The following GDPD1 variants were observed in gnomAD, a reference collection of about 807,000 sequenced individuals.
The protein encoded by GDPD1 is lysophospholipase D GDPD1.
A neutral mutation model predicts 45.1 loss-of-function variants in GDPD1; 28 were observed. The ratio of observed to expected loss-of-function variants is 0.62; its 90% CI spans 0.46 to 0.85. The LOEUF is 0.85. Among genes scored for constraint, GDPD1 ranks in the 40% least tolerant of loss-of-function variants. GDPD1 has a pLI of 0.00. For missense variants in GDPD1, 256 were observed against 364.8 expected, an observed-to-expected ratio of 0.70 and a Z score of 2.43; for synonymous variants, 139 against 131.4, an observed-to-expected ratio of 1.06 and a Z score of -0.40.
chr17:59,252,638 C>G (rs187055020), intron 4 of GDPD1, among the ~76,000 whole-genome samples: 1 of 151,896 alleles, frequency 6.6e-6, no homozygotes, highest in African/African-American at 2.4e-5. Context: ...GCAGATGTTG[C>G]AGTGAGCAGA....
At chr17:59,250,409 C>A (rs2047243882) in intron 4 of GDPD1, among the ~76,000 whole-genome samples, 1 of 151,970 alleles carries the variant, frequency 6.6e-6, no homozygotes, top group Non-Finnish European at 1.5e-5. Context: ...TTGCTTGAGA[C>A]CAACAGGTTG....
rs1275806802 is a variant in GDPD1, at chr17:59,255,874, T to TATAC, written c.368-1247_368-1246insTACA. ...ATACACACGTATATATATATATATA[T>TATAC]ACACACACACACACACACATATATA... On this transcript the variant is annotated intron_variant, in intron 4 of 9. Transcript: ENST00000284116. Among the ~76,000 whole-genome samples the TATAC allele has an allele frequency of 3.9e-4, 18 of 46,460 alleles. 3 individuals are homozygous for TATAC. The highest frequency in any genetic ancestry group is 7.4e-3 in the Middle Eastern group (1 of 136). The allele number at this position is 46,460 out of a possible 152,430, so 30.5% of individuals were successfully genotyped here.
chr17:59,224,467 C>T (rs2047029939), intron 1 of GDPD1, among the ~76,000 whole-genome samples: 1 of 151,628 alleles, frequency 6.6e-6, no homozygotes, highest in Non-Finnish European at 1.5e-5. Context: ...ACTAAAAATA[C>T]AAAAAAAGTT....
At chr17:59,258,414 G>A (rs775812207) in intron 6 of GDPD1, among the ~76,000 whole-genome samples, 6 of 151,938 alleles carry the variant, frequency 3.9e-5, no homozygotes, top group Non-Finnish European at 7.4e-5. Context: ...ATGGTGGCAC[G>A]TGCCTGTAGT....
At chr17:59,259,594 C>T (rs1332175820) in intron 6 of GDPD1, among the ~76,000 whole-genome samples, 1 of 97,042 alleles carries the variant, frequency 1.0e-5, no homozygotes, top group Non-Finnish European at 2.2e-5. Context: ...AAAAAAAATA[C>T]AAAAAATAGC....
At chr17:59,266,019 A>T (rs1164049615) in intron 6 of GDPD1, among the ~76,000 whole-genome samples, 1 of 150,552 alleles carries the variant, frequency 6.6e-6, no homozygotes, top group African/African-American at 2.4e-5. Context: ...TGTACATTTA[A>T]AAATGATTGA....
At chr17:59,272,002 T>C (rs1328114820) in intron 8 of GDPD1, among the ~76,000 whole-genome samples, 1 of 152,148 alleles carries the variant, frequency 6.6e-6, no homozygotes, top group Non-Finnish European at 1.5e-5. Context: ...GTTTATTCTT[T>C]TTTGCTTTAT....
intron 7 of GDPD1, among the ~76,000 whole-genome samples, chr17:59,270,176 G>A (rs1449929684): frequency 6.6e-6 from 1 of 151,710 alleles, no homozygotes; most frequent in Non-Finnish European, 1.5e-5. Context: ...AGGGAAAAAA[G>A]GACTTGTACT....
At position 59,274,144 on chromosome 17, in the gene GDPD1, G is replaced by T; in HGVS notation, c.*371G>T. ...AATAACCTAGAAACTAGGTTATCTA[G>T]GTTATTGATCAAGATTTCTGTAGAT... On this transcript the variant is annotated 3_prime_UTR_variant, in exon 10 of 10. Coordinates refer to ENST00000284116, the MANE Select transcript of GDPD1 (RefSeq NM_182569.4). The T allele has an allele frequency of 1.1e-6, 1 of 917,354 alleles. No individual in the cohort carries two copies. Among genetic ancestry groups the T allele is most frequent in the African/African-American group, 1.8e-5 (1 of 55,496 alleles). 56.8% of individuals were successfully genotyped at this position (917,354 alleles called of 1,614,324 possible).
intron 2 of GDPD1, among the ~76,000 whole-genome samples, chr17:59,241,148 C>T (rs749581946): frequency 2.0e-5 from 3 of 152,124 alleles, no homozygotes; most frequent in African/African-American, 7.2e-5. Context: ...CTGTGATGTC[C>T]GCACAATGAC....
At chr17:59,244,514 G>T (rs970511468) in intron 2 of GDPD1, among the ~76,000 whole-genome samples, 1 of 152,018 alleles carries the variant, frequency 6.6e-6, no homozygotes, top group Admixed American at 6.6e-5. Flanking sequence ...TGTATTTTTA[G>T]TAGAGATGGG....
At chr17:59,265,635 C>T (rs1206277208) in intron 6 of GDPD1, among the ~76,000 whole-genome samples, 10 of 151,782 alleles carry the variant, frequency 6.6e-5, no homozygotes, top group African/African-American at 2.2e-4. Flanking sequence ...AGGTGGCTCA[C>T]ACCTGTATTC....
At chr17:59,265,206 T>C (rs1204417475) in intron 6 of GDPD1, among the ~76,000 whole-genome samples, 1 of 152,004 alleles carries the variant, frequency 6.6e-6, no homozygotes, top group Non-Finnish European at 1.5e-5. Flanking sequence ...ATGTTTTTAT[T>C]AAAAGTTCAC....
At chr17:59,250,504 A>G (rs1432751005) in intron 4 of GDPD1, among the ~76,000 whole-genome samples, 2 of 150,992 alleles carry the variant, frequency 1.3e-5, no homozygotes, top group Non-Finnish European at 2.9e-5. Context: ...AGTCTCAGCT[A>G]TTTAAGAGAC....
intron 1 of GDPD1, among the ~76,000 whole-genome samples, chr17:59,233,862 G>A (rs1267117470): frequency 6.6e-6 from 1 of 152,034 alleles, no homozygotes; most frequent in Non-Finnish European, 1.5e-5. Flanking sequence ...ACTTTGTTTC[G>A]TGCATAAAAT....
chr17:59,263,380 C>T (rs1018257939), intron 6 of GDPD1, among the ~76,000 whole-genome samples: 7 of 151,908 alleles, frequency 4.6e-5, no homozygotes, highest in African/African-American at 1.7e-4. Flanking sequence ...GATTTCCATA[C>T]TTTTCCAAAC....
chr17:59,274,054 C>T lies in GDPD1; in HGVS notation c.*281C>T. 2 of 741,950 alleles carry T rather than the reference C, an allele frequency of 2.7e-6. No individual in the cohort carries two copies. The highest frequency in any genetic ancestry group is 3.3e-6 in the Non-Finnish European group (2 of 608,174). 46.0% of individuals were successfully genotyped at this position (741,950 alleles called of 1,614,324 possible). On this transcript the variant is annotated 3_prime_UTR_variant, in exon 10 of 10. Coordinates refer to ENST00000284116, the MANE Select transcript of GDPD1 (RefSeq NM_182569.4). ...TGCATTTTTGTTTCTAGATCTTATA[C>T]AGAAATCTTGATTAATAACATACAC...
chr17:59,234,387 C>CA (rs930872669), intron 1 of GDPD1, 105 bp from the exon 2 acceptor site: 6,719 of 564,510 alleles, frequency 0.012, 3 homozygotes, highest in Middle Eastern at 0.024. Context: ...TGTCTACCCC[C>CA]AAAAAAAAAA....
chr17:59,261,275 T>C (rs1040878563), intron 6 of GDPD1, among the ~76,000 whole-genome samples: 1 of 152,066 alleles, frequency 6.6e-6, no homozygotes, highest in South Asian at 2.1e-4. Flanking sequence ...CTAAAGCAAG[T>C]ATGTTTTATG....
Sources: gnomAD v4.1 joint callset for allele counts (sites outside exome capture counted in the v4.1 genomes callset) on GRCh38, gnomAD v4.1.1 for gene constraint, MANE v1.5 for transcripts, NCBI Gene and HGNC (gene_info 2026-07-23, HGNC 2026-07-21) for gene names.